The following NRXN1 variants were observed in gnomAD, a reference collection of about 807,000 sequenced individuals.
NRXN1 encodes neurexin-1.
Under a neutral mutation model 150.9 loss-of-function variants are expected in NRXN1, and 39 were observed. The ratio of observed to expected loss-of-function variants is 0.26; its 90% CI spans 0.20 to 0.34. The LOEUF (loss-of-function observed/expected upper bound fraction) is 0.34, where lower values mean the gene tolerates loss of function less well. Ranked by LOEUF, NRXN1 falls within the 10% of genes least tolerant of loss-of-function variation. The pLI is 1.00. For synonymous variants in NRXN1, 924 were observed against 757.0 expected (o/e 1.22, Z -3.62); for missense variants, 1,815 against 1,949.9 (o/e 0.93, Z 1.30).
At chr2:50,109,048 T>C (rs912435355) in intron 18 of NRXN1, among the ~76,000 whole-genome samples, 5 of 152,164 alleles carry the variant, frequency 3.3e-5, no homozygotes, top group Non-Finnish European at 7.4e-5. Context: ...TGTTTTGGAA[T>C]AAAGAATTAA....
chr2:50,935,607 A>G (rs567355313), intron 2 of NRXN1, among the ~76,000 whole-genome samples: 1 of 152,180 alleles, frequency 6.6e-6, no homozygotes, highest in African/African-American at 2.4e-5. Context: ...GGCACCTGTA[A>G]TTCCAGCTAC....
chr2:50,524,298 G>A (rs13420236), intron 12 of NRXN1, among the ~76,000 whole-genome samples: 50,585 of 151,600 alleles, frequency 0.33, 9,077 homozygotes, highest in Middle Eastern at 0.5. Flanking sequence ...GGCCAACATG[G>A]CAAAACCCCA....
intron 2 of NRXN1, among the ~76,000 whole-genome samples, chr2:50,943,522 T>C (rs777468626): frequency 6.6e-5 from 10 of 152,216 alleles, no homozygotes; most frequent in Non-Finnish European, 2.9e-5. Flanking sequence ...CCTTCTATAA[T>C]GATGGAAATG....
At chr2:50,383,240 A>C (rs2081093839) in intron 17 of NRXN1, among the ~76,000 whole-genome samples, 1 of 152,172 alleles carries the variant, frequency 6.6e-6, no homozygotes, top group Non-Finnish European at 1.5e-5. Context: ...CTGATCATTC[A>C]GTATTGAATT....
At chr2:49,984,132 A>T (rs1362529822) in intron 21 of NRXN1, among the ~76,000 whole-genome samples, 1 of 152,132 alleles carries the variant, frequency 6.6e-6, no homozygotes, top group Non-Finnish European at 1.5e-5. Flanking sequence ...ATGGCACTGC[A>T]CTCCAGTGCG....
chr2:50,204,152 C>A (rs1487089115), intron 18 of NRXN1, among the ~76,000 whole-genome samples: 1 of 151,912 alleles, frequency 6.6e-6, no homozygotes, highest in African/African-American at 2.4e-5. Flanking sequence ...ACATAAAATG[C>A]AGAGGCTATA....
chr2:50,159,258 AACAAAG>A (rs1313746940), intron 18 of NRXN1, among the ~76,000 whole-genome samples: 1 of 152,126 alleles, frequency 6.6e-6, no homozygotes, highest in African/African-American at 2.4e-5. Context: ...CCTCAAAACC[AACAAAG>A]ACAAACATTC....
chr2:50,824,443 T>C (rs1670169229), intron 5 of NRXN1, among the ~76,000 whole-genome samples: 1 of 151,622 alleles, frequency 6.6e-6, no homozygotes, highest in Non-Finnish European at 1.5e-5. Context: ...TAGGGAAAGG[T>C]GATGCCTAAA....
At chr2:50,522,720 A>ATTTTTTTTTTTTTTTTTTTT (rs869200431) in intron 12 of NRXN1, among the ~76,000 whole-genome samples, 1 of 47,726 alleles carries the variant, frequency 2.1e-5, no homozygotes. Context: ...ATTTTTATTC[A>ATTTTTTTTTTTTTTTTTTTT]TTTTTTTTTT....
intron 17 of NRXN1, among the ~76,000 whole-genome samples, chr2:50,282,113 T>C (rs2071540730): frequency 6.6e-6 from 1 of 152,288 alleles, no homozygotes; most frequent in Middle Eastern, 3.4e-3. Flanking sequence ...GTGTGTGTTA[T>C]ATAACAACAG....
intron 18 of NRXN1, among the ~76,000 whole-genome samples, chr2:50,108,302 G>C (rs1701941703): frequency 6.6e-6 from 1 of 151,916 alleles, no homozygotes; most frequent in African/African-American, 2.4e-5. Context: ...CTATAATAAA[G>C]ATGGCTGCTG....
chr2:49,930,496 T>C (rs763085650), intron 22 of NRXN1, among the ~76,000 whole-genome samples: 4 of 152,220 alleles, frequency 2.6e-5, no homozygotes, highest in Non-Finnish European at 5.9e-5. Flanking sequence ...TCTTAATAAT[T>C]ATTTGATTGT....
chr2:50,598,841 T>C (rs1294855584), intron 8 of NRXN1, among the ~76,000 whole-genome samples: 2 of 151,710 alleles, frequency 1.3e-5, no homozygotes, highest in Non-Finnish European at 2.9e-5. Context: ...CACTGCAACC[T>C]CCGCCTCCCA....
chr2:50,217,472 C>T (rs1459062110), intron 18 of NRXN1, among the ~76,000 whole-genome samples: 2 of 151,956 alleles, frequency 1.3e-5, no homozygotes, highest in Non-Finnish European at 2.9e-5. Flanking sequence ...ATTGGACCTT[C>T]TTTTATCTGG....
chr2:50,597,706 T>C (rs1482332102), intron 8 of NRXN1, among the ~76,000 whole-genome samples: 1 of 152,252 alleles, frequency 6.6e-6, no homozygotes, highest in Non-Finnish European at 1.5e-5. Flanking sequence ...ATAGGTTTTC[T>C]TGTTTGCTGC....
At chr2:50,304,711 G>C (rs776382608) in intron 17 of NRXN1, among the ~76,000 whole-genome samples, 17 of 152,090 alleles carry the variant, frequency 1.1e-4, no homozygotes, top group Non-Finnish European at 4.4e-5. Context: ...GTGTGCTAAG[G>C]AATGGATTCT....
intron 5 of NRXN1, among the ~76,000 whole-genome samples, chr2:50,914,828 G>C (rs1452551234): frequency 1.3e-5 from 2 of 151,598 alleles, no homozygotes; most frequent in African/African-American, 4.8e-5. Flanking sequence ...TGACAAACTT[G>C]TTTAGCTAAC....
intron 21 of NRXN1, among the ~76,000 whole-genome samples, chr2:50,047,873 A>C (rs1478915199): frequency 6.6e-6 from 1 of 152,138 alleles, no homozygotes; most frequent in African/African-American, 2.4e-5. Context: ...GGTACCTGAG[A>C]TATAGCAAGT....
chr2:50,284,703 A>C (rs1251322711), intron 17 of NRXN1, among the ~76,000 whole-genome samples: 1 of 152,166 alleles, frequency 6.6e-6, no homozygotes, highest in Non-Finnish European at 1.5e-5. Context: ...GGGGCTAGGC[A>C]AGAGATTGTT....
Sources: allele counts gnomAD v4.1 joint callset (sites outside exome capture counted in the v4.1 genomes callset), GRCh38; gene constraint gnomAD v4.1.1; transcripts MANE v1.5; gene names NCBI Gene and HGNC (gene_info 2026-07-23, HGNC 2026-07-21).